XPR1: variants seen among roughly 807,000 people sequenced by gnomAD.
XPR1 encodes solute carrier family 53 member 1.
XPR1 carries 28 observed loss-of-function variants against 87.5 expected under a neutral mutation model. The ratio of observed to expected loss-of-function variants is 0.32; its 90% CI spans 0.24 to 0.44. The LOEUF is 0.44. XPR1 is among the 20% of genes least tolerant of loss of function. The probability of loss-of-function intolerance (pLI) is 1.00; values close to 1 mark genes in which losing one functional copy is unlikely to be tolerated. For missense variants in XPR1, 559 were observed against 862.3 expected (o/e 0.65, Z 4.41); for synonymous variants, 300 against 306.1 (o/e 0.98, Z 0.21).
At chr1:180,883,891 C>T in intron 14 of XPR1, 115 bp from the exon 15 acceptor site, 1 of 837,418 alleles carries the variant, frequency 1.2e-6, no homozygotes, top group Non-Finnish European at 1.9e-6. Flanking sequence ...AGCAGATAGT[C>T]CCTGTTTAGG....
In XPR1 at chr1:180,887,766, A is replaced by G. The variant is rs570186703; in HGVS notation, c.*3700A>G. Reference sequence around the variant, plus strand: ...TCCCTGACTTCCTGATATTCTAAACATGAGAGTTCTGTGACTTTAACTGAG... The same window carrying G: ...TCCCTGACTTCCTGATATTCTAAACGTGAGAGTTCTGTGACTTTAACTGAG... On this transcript the variant is annotated 3_prime_UTR_variant, in exon 15 of 15. Transcript: ENST00000367590. 8.5e-5 allele frequency: 13 copies of G among 152,366 alleles called. No homozygotes were observed. The highest frequency in any genetic ancestry group is 3.1e-4 in the African/African-American group (13 of 41,584). 9.4% of individuals were successfully genotyped at this position (152,366 alleles called of 1,614,324 possible).
intron 2 of XPR1, among the ~76,000 whole-genome samples, chr1:180,762,901 G>C (rs1052323751): frequency 6.6e-6 from 1 of 151,990 alleles, no homozygotes; most frequent in Admixed American, 6.6e-5. Context: ...TTTTTTTAAA[G>C]AATGAATTTC....
intron 1 of XPR1, among the ~76,000 whole-genome samples, chr1:180,648,122 A>G (rs1229540723): frequency 1.3e-5 from 2 of 152,218 alleles, no homozygotes; most frequent in Non-Finnish European, 2.9e-5. Flanking sequence ...GGTAGTTGCT[A>G]TTGCTCAGCT....
intron 12 of XPR1, among the ~76,000 whole-genome samples, chr1:180,872,940 G>A (rs982500412): frequency 3.0e-4 from 46 of 151,616 alleles, no homozygotes; most frequent in Middle Eastern, 3.4e-3. Context: ...GGGATGGAAA[G>A]AGAAGGTGGC....
intron 11 of XPR1, among the ~76,000 whole-genome samples, chr1:180,837,560 A>G (rs1651343076): frequency 6.6e-6 from 1 of 152,172 alleles, no homozygotes; most frequent in Non-Finnish European, 1.5e-5. Context: ...TAACGGTCAT[A>G]AAAGATCAGA....
At position 180,863,986 on chromosome 1, in the gene XPR1, A is replaced by C. The variant is rs888916085; in HGVS notation, c.1668+112A>C. 2.5e-5 allele frequency: 21 copies of C among 849,688 alleles called. No individual in the cohort carries two copies. In the African/African-American group the frequency reaches 3.5e-4, roughly 14 times the overall value. 52.6% of individuals were successfully genotyped at this position (849,688 alleles called of 1,614,324 possible). ...TTATATTACTCTAATATAATTAGAAAAATAATTAACAAAAATACTAATTCA... is the reference window on the plus strand; with the variant it reads ...TTATATTACTCTAATATAATTAGAACAATAATTAACAAAAATACTAATTCA... On this transcript the variant is annotated intron_variant, in intron 12 of 14. Coordinates refer to ENST00000367590, the MANE Select transcript of XPR1 (RefSeq NM_004736.4).
intron 12 of XPR1, among the ~76,000 whole-genome samples, chr1:180,872,958 C>G: frequency 7.2e-6 from 1 of 139,714 alleles, no homozygotes; most frequent in South Asian, 2.2e-4. Context: ...GGCCAGGGGA[C>G]TTTTTTTTTT....
At chr1:180,677,647 C>T (rs1448818190) in intron 1 of XPR1, among the ~76,000 whole-genome samples, 1 of 152,174 alleles carries the variant, frequency 6.6e-6, no homozygotes, top group African/African-American at 2.4e-5. Flanking sequence ...AGCTGCATGA[C>T]TTCTAAACCA....
intron 1 of XPR1, among the ~76,000 whole-genome samples, chr1:180,658,220 A>G (rs963347094): frequency 1.3e-5 from 2 of 152,218 alleles, no homozygotes; most frequent in Non-Finnish European, 2.9e-5. Context: ...TTATAAGATC[A>G]TATCATCTGC....
At chr1:180,767,906 G>A (rs1449703844) in intron 2 of XPR1, among the ~76,000 whole-genome samples, 6 of 151,814 alleles carry the variant, frequency 4.0e-5, no homozygotes, top group South Asian at 2.1e-4. Context: ...GTGCAGTGGC[G>A]CAATCTCGGC....
intron 1 of XPR1, among the ~76,000 whole-genome samples, chr1:180,649,749 A>C (rs907995387): frequency 6.6e-5 from 10 of 152,182 alleles, no homozygotes; most frequent in African/African-American, 2.4e-4. Context: ...CCTTCTGCTG[A>C]GTCTGGAGTG....
intron 3 of XPR1, among the ~76,000 whole-genome samples, chr1:180,797,821 T>C (rs12077123): frequency 0.043 from 6,472 of 152,200 alleles, 486 homozygotes; most frequent in African/African-American, 0.15. Context: ...TTGAACCTGA[T>C]TACTTAATAA....
chr1:180,836,839 C>T (rs1651312386), intron 11 of XPR1, 123 bp downstream of exon 11: 1 of 1,114,270 alleles, frequency 9.0e-7, no homozygotes, highest in African/African-American at 1.6e-5. Context: ...AATTTCAGTT[C>T]CTTCAGTTAT....
At chr1:180,749,025 C>A (rs1326124271) in intron 2 of XPR1, among the ~76,000 whole-genome samples, 1 of 152,210 alleles carries the variant, frequency 6.6e-6, no homozygotes, top group East Asian at 1.9e-4. Flanking sequence ...ATAGCGAGAC[C>A]TTGTCTCTAC....
intron 2 of XPR1, among the ~76,000 whole-genome samples, chr1:180,706,340 G>A (rs1034542009): frequency 2.0e-5 from 3 of 152,044 alleles, no homozygotes; most frequent in African/African-American, 4.8e-5. Context: ...TTGAGTTTCC[G>A]GCTCTACTTT....
chr1:180,840,254 G>A (rs895545175), intron 11 of XPR1, among the ~76,000 whole-genome samples: 1 of 146,826 alleles, frequency 6.8e-6, no homozygotes, highest in Non-Finnish European at 1.5e-5. Context: ...AAAAAAAGAA[G>A]TGTTGCCCTC....
intron 4 of XPR1, among the ~76,000 whole-genome samples, chr1:180,803,925 A>G (rs1649886831): frequency 6.6e-6 from 1 of 152,114 alleles, no homozygotes; most frequent in South Asian, 2.1e-4. Flanking sequence ...TCATGAATAG[A>G]AATAATACAT....
At position 180,889,783 on chromosome 1, in the gene XPR1, C is replaced by T. The variant is rs565185077; in HGVS notation, c.*5717C>T. 6.6e-6 allele frequency: 1 copy of T among 152,204 alleles called. No individual in the cohort carries two copies. Among genetic ancestry groups the T allele is most frequent in the South Asian group, 2.1e-4 (1 of 4,828 alleles). 9.4% of individuals were successfully genotyped at this position (152,204 alleles called of 1,614,324 possible). A position where few individuals can be genotyped will look rare whatever the true frequency, so the allele number is the denominator to read the frequency against. Reference sequence around the variant, plus strand: ...ATTTTTCTGTTCAAACTCTCTCCTTCTATTTGTGTTTCCTTCACCCCTCTC... The same window carrying T: ...ATTTTTCTGTTCAAACTCTCTCCTTTTATTTGTGTTTCCTTCACCCCTCTC... On this transcript the variant is annotated 3_prime_UTR_variant, in exon 15 of 15. Coordinates refer to ENST00000367590, the MANE Select transcript of XPR1 (RefSeq NM_004736.4).
intron 11 of XPR1, among the ~76,000 whole-genome samples, chr1:180,861,651 G>A (rs186471404): frequency 3.3e-5 from 5 of 152,060 alleles, no homozygotes; most frequent in African/African-American, 1.2e-4. Context: ...TCAGAGCTGG[G>A]CTATTCATGA....
Sources: allele counts gnomAD v4.1 joint callset (sites outside exome capture counted in the v4.1 genomes callset), GRCh38; gene constraint gnomAD v4.1.1; transcripts MANE v1.5; gene names NCBI Gene and HGNC (gene_info 2026-07-23, HGNC 2026-07-21).